Variants in ATXN2L observed in about 807,000 individuals in gnomAD.
ATXN2L encodes ataxin 2 like.
Under a neutral mutation model 120.7 loss-of-function variants are expected in ATXN2L, and 24 were observed. The observed-to-expected ratio is 0.20, with a 90% CI of 0.14 to 0.28. The LOEUF (loss-of-function observed/expected upper bound fraction) is 0.28. ATXN2L is among the 10% of genes least tolerant of loss of function. The probability of loss-of-function intolerance (pLI) is 1.00; values close to 1 mark genes in which losing one functional copy is unlikely to be tolerated. For synonymous variants in ATXN2L, 653 were observed against 568.1 expected (o/e 1.15, Z -2.13); for missense variants, 1,312 against 1,432.3 (o/e 0.92, Z 1.36).
At position 28,824,439 on chromosome 16, in the gene ATXN2L, G is replaced by T. The variant is rs556225695; in HGVS notation, c.299+881G>T. The T allele has an allele frequency of 1.8e-4, 226 of 1,286,066 alleles. 4 individuals carry two copies. The South Asian group carries it at 2.7e-3, about 15-fold the overall frequency. 79.7% of individuals were successfully genotyped at this position (1,286,066 alleles called of 1,614,324 possible). ...CTCCCGGTGGATGGCTTTTGCGGCT[G>T]CGCTGTCCCCCAGCCCCGCCAGCGG... is the stretch of plus-strand genomic sequence containing the variant. On this transcript the variant is annotated intron_variant, in intron 1 of 21. Transcript: ENST00000336783.
Position 28,834,696 on chromosome 16 carries a change from G to T in ATXN2L, c.2433+3G>T. 1 of 1,606,902 alleles carries T rather than the reference G, an allele frequency of 6.2e-7. No homozygotes were observed. Reference sequence around the variant, plus strand: ...CCATGGCCCACTACCCCTCACAGGTGACTGCGGCCCAGGAGGGCAGTGAGG... The same window carrying T: ...CCATGGCCCACTACCCCTCACAGGTTACTGCGGCCCAGGAGGGCAGTGAGG... On this transcript the variant is annotated splice_donor_region_variant and intron_variant, in intron 18 of 21. Transcript: ENST00000336783.
At chr16:28,826,767 T>C in intron 5 of ATXN2L, 95 bp from the exon 6 acceptor site, 1 of 1,406,010 alleles carries the variant, frequency 7.1e-7, no homozygotes, top group Non-Finnish European at 9.4e-7. Context: ...TTAAACTTTG[T>C]TCCTGAACTA....
intron 10 of ATXN2L, 106 bp downstream of exon 10, chr16:28,831,178 A>G: frequency 1.2e-6 from 1 of 838,550 alleles, no homozygotes; most frequent in Non-Finnish European, 1.8e-6. Context: ...TTTAAGATAG[A>G]TGTTTTGGGC....
rs748175093 is a variant in ATXN2L at position 28,831,010 on chromosome 16, A to G, written c.1259A>G (p.Lys420Arg). 5.0e-6 allele frequency: 8 copies of G among 1,609,992 alleles called. 1 individual carries two copies. The Middle Eastern group carries it at 5.0e-4, about 100-fold the overall frequency. Residue 420 changes from lysine (K) to arginine (R), a missense_variant, in exon 10 of 22, where the codon AAG becomes AGG. Lys to Arg is a conservative substitution (Grantham distance 26). Coordinates refer to ENST00000336783, the MANE Select transcript of ATXN2L (RefSeq NM_007245.4). ...PKAQRPLRGA[K>R]TLSSPSNRPS... Reference sequence around the variant, plus strand: ...GCACAACGGCCTCTGAGAGGTGCCAAGACTCTGTCTTCGCCCAGTAATAGG... The same window carrying G: ...GCACAACGGCCTCTGAGAGGTGCCAGGACTCTGTCTTCGCCCAGTAATAGG...
intron 1 of ATXN2L, chr16:28,824,302 T>C (rs2050875679): frequency 8.4e-7 from 1 of 1,190,506 alleles, no homozygotes; most frequent in Non-Finnish European, 1.1e-6. Context: ...TGTGTGTGTG[T>C]TAATGGAATT....
chr16:28,823,587 G>T (rs2050363128), intron 1 of ATXN2L, 29 bp downstream of exon 1: 1 of 1,303,826 alleles, frequency 7.7e-7, no homozygotes, highest in Non-Finnish European at 9.7e-7. Flanking sequence ...GGGCGAGGGA[G>T]CCGCGGCCAC....
chr16:28,824,526 T>A (rs2051044339), intron 1 of ATXN2L: 1 of 1,287,942 alleles, frequency 7.8e-7, no homozygotes, highest in Non-Finnish European at 1.0e-6. Context: ...TACCTGGCGA[T>A]TGGTGATCCC....
chr16:28,831,131 T>A, intron 10 of ATXN2L, 59 bp downstream of exon 10: 1 of 1,178,348 alleles, frequency 8.5e-7, no homozygotes, highest in Non-Finnish European at 1.2e-6. Context: ...GAGATGTAAA[T>A]ATGTCCATTT....
At chr16:28,831,114 T>C in intron 10 of ATXN2L, 42 bp downstream of exon 10, 1 of 1,340,496 alleles carries the variant, frequency 7.5e-7, no homozygotes, top group South Asian at 1.3e-5. Flanking sequence ...GGATGGAAAT[T>C]TGTAAAGAGA....
In ATXN2L at chr16:28,836,847, C is replaced by T; in HGVS notation, c.*582C>T. 7.7e-6 allele frequency: 12 copies of T among 1,563,952 alleles called. No individual in the cohort carries two copies. The highest frequency in any genetic ancestry group is 1.1e-5 in the Non-Finnish European group (12 of 1,139,086). Reference sequence around the variant, plus strand: ...GAGTGATCTATGTCTCTTCCCCCAGCAGCTCGGACCACTCCCAGCCCCCCA... The same window carrying T: ...GAGTGATCTATGTCTCTTCCCCCAGTAGCTCGGACCACTCCCAGCCCCCCA... On this transcript the variant is annotated 3_prime_UTR_variant, in exon 22 of 22. Transcript: ENST00000336783.
In ATXN2L at chr16:28,835,761, A is replaced by G; in HGVS notation, c.2895+3A>G. The G allele has an allele frequency of 1.9e-6, 3 of 1,614,024 alleles. No homozygotes were observed. Among genetic ancestry groups the G allele is most frequent in the African/African-American group, 1.3e-5 (1 of 75,024 alleles). ...CCAACATGGCCCATGTTACCCAGGT[A>G]AGAGCCCAGCTGTCCCACTTCTGGG... On this transcript the variant is annotated splice_donor_region_variant and intron_variant, in intron 21 of 21. Coordinates refer to ENST00000336783, the MANE Select transcript of ATXN2L (RefSeq NM_007245.4).
intron 13 of ATXN2L, 26 bp from the exon 14 acceptor site, chr16:28,833,033 G>A: frequency 1.2e-6 from 2 of 1,610,518 alleles, no homozygotes; most frequent in Admixed American, 1.7e-5. Context: ...GGGTCAGACT[G>A]GACTGTGTGT....
intron 12 of ATXN2L, 57 bp from the exon 13 acceptor site, chr16:28,832,760 A>G (rs1399540936): frequency 1.3e-6 from 2 of 1,569,498 alleles, no homozygotes; most frequent in Non-Finnish European, 1.8e-6. Flanking sequence ...GGCACTGTGT[A>G]GCCACCTTAG....
chr16:28,836,284 C>A lies in ATXN2L; in HGVS notation c.*19C>A. 6.2e-7 allele frequency: 1 copy of A among 1,609,626 alleles called. No homozygotes were observed. The highest frequency in any genetic ancestry group is 8.5e-7 in the Non-Finnish European group (1 of 1,177,628). ...GGAGTGAGGGGTCTTGGAGGCAGGGCTGTCCCACAGGGCGCCCGCCGACCT... is the reference window on the plus strand; with the variant it reads ...GGAGTGAGGGGTCTTGGAGGCAGGGATGTCCCACAGGGCGCCCGCCGACCT... On this transcript the variant is annotated 3_prime_UTR_variant, in exon 22 of 22. Transcript: ENST00000336783.
At chr16:28,827,138 A>G in intron 6 of ATXN2L, 152 bp downstream of exon 6, 1 of 926,210 alleles carries the variant, frequency 1.1e-6, no homozygotes, top group Non-Finnish European at 1.4e-6. Flanking sequence ...AGCAAAGTAA[A>G]AATATCTATT....
chr16:28,831,241 A>G (rs1010226173), intron 10 of ATXN2L, among the ~76,000 whole-genome samples, 169 bp downstream of exon 10: 5 of 147,968 alleles, frequency 3.4e-5, no homozygotes, highest in African/African-American at 1.2e-4. Flanking sequence ...CTAGTGCAGA[A>G]ATCTCAACCT....
intron 19 of ATXN2L, 41 bp from the exon 20 acceptor site, chr16:28,835,237 C>G (rs1489787449): frequency 1.9e-6 from 3 of 1,612,296 alleles, no homozygotes; most frequent in Admixed American, 1.7e-5. Context: ...CCAGCCCCCT[C>G]TGGTGTGCTC....
intron 7 of ATXN2L, 104 bp from the exon 8 acceptor site, chr16:28,829,754 C>A: frequency 8.0e-7 from 1 of 1,255,708 alleles, no homozygotes; most frequent in Non-Finnish European, 1.2e-6. Flanking sequence ...GGATTAAATA[C>A]TTCCATGCCT....
At chr16:28,831,154 G>A in intron 10 of ATXN2L, 82 bp downstream of exon 10, 1 of 952,822 alleles carries the variant, frequency 1.0e-6, no homozygotes, top group Non-Finnish European at 1.6e-6. Context: ...TACAGTGCTG[G>A]AATGGGAGAT....
Sources: gnomAD v4.1 joint callset for allele counts (sites outside exome capture counted in the v4.1 genomes callset) on GRCh38, gnomAD v4.1.1 for gene constraint, MANE v1.5 for transcripts, NCBI Gene and HGNC (gene_info 2026-07-23, HGNC 2026-07-21) for gene names.